The following DNAH9 variants were observed in gnomAD, a reference collection of about 807,000 sequenced individuals.
The protein encoded by DNAH9 is dynein axonemal heavy chain 9.
A neutral mutation model predicts 471.6 loss-of-function variants in DNAH9; 345 were observed. The ratio of observed to expected loss-of-function variants is 0.73; its 90% CI spans 0.67 to 0.80. The LOEUF (loss-of-function observed/expected upper bound fraction) is 0.80. Ranked by LOEUF, DNAH9 falls within the 30% of genes least tolerant of loss-of-function variation. The pLI, the probability that DNAH9 is intolerant of heterozygous loss-of-function variation, is 0.00. For missense variants in DNAH9, 5,407 were observed against 5,609.2 expected (o/e 0.96, Z 1.15); for synonymous variants, 2,093 against 2,123.6 (o/e 0.99, Z 0.40).
At chr17:11,926,628 G>A (rs1468825767) in intron 62 of DNAH9, among the ~76,000 whole-genome samples, 5 of 152,136 alleles carry the variant, frequency 3.3e-5, no homozygotes, top group African/African-American at 4.8e-5. Flanking sequence ...TGGTGTATAT[G>A]TACCACATTT....
intron 61 of DNAH9, among the ~76,000 whole-genome samples, chr17:11,908,271 A>G (rs1973674324): frequency 6.6e-6 from 1 of 152,254 alleles, no homozygotes; most frequent in African/African-American, 2.4e-5. Flanking sequence ...TCAAGGGTCG[A>G]CTGTACTCTC....
At chr17:11,967,828 A>G (rs551987711) in intron 68 of DNAH9, among the ~76,000 whole-genome samples, 73 of 152,326 alleles carry the variant, frequency 4.8e-4, no homozygotes, top group Non-Finnish European at 8.7e-4. Flanking sequence ...TAGACTTTAT[A>G]AGGTAAAAAT....
At chr17:11,960,073 C>A (rs1314451642) in intron 67 of DNAH9, among the ~76,000 whole-genome samples, 1 of 152,144 alleles carries the variant, frequency 6.6e-6, no homozygotes, top group Non-Finnish European at 1.5e-5. Context: ...AAATCAGGAG[C>A]CTCTGGCTGT....
intron 39 of DNAH9, among the ~76,000 whole-genome samples, chr17:11,783,161 C>CCTGA (rs1247471768): frequency 6.6e-6 from 1 of 152,094 alleles, no homozygotes; most frequent in Non-Finnish European, 1.5e-5. Context: ...AGGCTTTTAG[C>CCTGA]AGCCTGAAAC....
intron 48 of DNAH9, among the ~76,000 whole-genome samples, chr17:11,831,322 TGGCAAGAGAGGA>T (rs1366252398): frequency 1.3e-5 from 2 of 152,002 alleles, no homozygotes; most frequent in African/African-American, 2.4e-5. Context: ...AGATATCACA[TGGCAAGAGAGGA>T]GGCAAGAGAG....
At chr17:11,882,952 C>A (rs111447085) in intron 55 of DNAH9, 9 of 985,488 alleles carry the variant, frequency 9.1e-6, no homozygotes, top group African/African-American at 8.7e-5. Flanking sequence ...GAACCTCCAA[C>A]AGGAAGGTTG....
intron 42 of DNAH9, among the ~76,000 whole-genome samples, chr17:11,797,297 TC>T (rs1969279360): frequency 1.3e-5 from 2 of 152,108 alleles, no homozygotes; most frequent in African/African-American, 4.8e-5. Context: ...CACCCATCCA[TC>T]CCCATCCATT....
At chr17:11,884,381 A>G in intron 56 of DNAH9, 1 of 332,944 alleles carries the variant, frequency 3.0e-6, no homozygotes, top group Non-Finnish European at 6.1e-6. Context: ...GCTCTGTTCC[A>G]GCATACCACC....
intron 6 of DNAH9, among the ~76,000 whole-genome samples, chr17:11,621,006 ACATTTTACAG>A (rs1176831640): frequency 6.6e-6 from 1 of 152,176 alleles, no homozygotes; most frequent in African/African-American, 2.4e-5. Context: ...AGGTCTCTCA[ACATTTTACAG>A]CTATGTGTTT....
At position 11,931,995 on chromosome 17, in the gene DNAH9, A is replaced by G; in HGVS notation, c.12106-19A>G. 1 of 1,613,036 alleles carries G rather than the reference A, an allele frequency of 6.2e-7. No homozygotes were observed. Among genetic ancestry groups the G allele is most frequent in the East Asian group, 2.2e-5 (1 of 44,860 alleles). ...AGAGAAGTTGTGTGCGAACCTTAAAAGCGACACTCTCATTTCAGGACACTC... is the reference window on the plus strand; with the variant it reads ...AGAGAAGTTGTGTGCGAACCTTAAAGGCGACACTCTCATTTCAGGACACTC... On this transcript the variant is annotated intron_variant, in intron 63 of 68. Coordinates refer to ENST00000262442, the MANE Select transcript of DNAH9 (RefSeq NM_001372.4).
Position 11,756,659 on chromosome 17 carries a change from C to A in DNAH9, c.6830C>A (p.Ala2277Glu), listed in dbSNP as rs763080540. The A allele has an allele frequency of 6.2e-7, 1 of 1,609,534 alleles. No individual in the cohort carries two copies. The change falls in exon 34 of 69, where the codon GCA becomes GAA. Residue 2277 changes from alanine to glutamate, a missense_variant. Coordinates refer to ENST00000262442, the MANE Select transcript of DNAH9 (RefSeq NM_001372.4). ...AGCCACCTGCGCACAGCCACTCCAG[C>A]AACTGTCTCTAGAGCAGGTACGGCC... ...EISHLRTATP[A>E]TVSRAGILYI...
intron 35 of DNAH9, among the ~76,000 whole-genome samples, chr17:11,763,133 A>G (rs546387349): frequency 6.6e-6 from 1 of 152,190 alleles, no homozygotes; most frequent in East Asian, 1.9e-4. Context: ...TGTGTTCCCC[A>G]GGTACTGAGA....
intron 29 of DNAH9, among the ~76,000 whole-genome samples, chr17:11,739,407 T>C (rs567706655): frequency 6.6e-6 from 1 of 152,344 alleles, no homozygotes. Context: ...TACAATGTAA[T>C]TAACTACTCC....
rs565622701 is a variant in DNAH9 at position 11,868,825 on chromosome 17, C to T, written c.9934-309C>T. 9.2e-4 allele frequency among the ~76,000 whole-genome samples: 140 copies of T among 152,222 alleles called. 1 individual carries two copies. Among genetic ancestry groups the T allele is most frequent in the African/African-American group, 3.2e-3 (131 of 41,540 alleles). ...CATCCACATCCCTGACACCTCGTAG[C>T]GTTCAACACCTCGATGACTGCGGTG... is the stretch of plus-strand genomic sequence containing the variant. On this transcript the variant is annotated intron_variant, in intron 50 of 68. Coordinates refer to ENST00000262442, the MANE Select transcript of DNAH9 (RefSeq NM_001372.4).
chr17:11,783,597 C>A, intron 39 of DNAH9, 49 bp from the exon 40 acceptor site: 1 of 1,472,724 alleles, frequency 6.8e-7, no homozygotes, highest in Non-Finnish European at 9.5e-7. Context: ...AAGCACTCAC[C>A]TGCCTCAGTC....
In DNAH9 at chr17:11,681,253, T is replaced by C. The variant is rs961582575; in HGVS notation, c.3743+364T>C. 2.6e-4 allele frequency among the ~76,000 whole-genome samples: 39 copies of C among 152,328 alleles called. 1 individual carries two copies. The highest frequency in any genetic ancestry group is 2.4e-3 in the Admixed American group (36 of 15,306). ...TCTTTTGGTTTTAAAAAGTGGCTGA[T>C]TGAATTTTTAAAATTTTACAGAGCA... On this transcript the variant is annotated intron_variant, in intron 19 of 68. Transcript: ENST00000262442.
intron 61 of DNAH9, among the ~76,000 whole-genome samples, chr17:11,919,731 A>C (rs948942973): frequency 8.5e-5 from 13 of 152,160 alleles, no homozygotes; most frequent in African/African-American, 3.1e-4. Context: ...CGGAAGTAGA[A>C]GGAGGCAATG....
Position 11,608,291 on chromosome 17 carries a change from A to C in DNAH9, c.580A>C (p.Lys194Gln), listed in dbSNP as rs1329760078. ...TLLPLPAGSE[K>Q]MEFADSKSET... ...GCTGCCTCTTCCAGCAGGCTCAGAA[A>C]AAATGGAGTTTGCGGATTCCAAAAG... The change falls in exon 2 of 69, where the codon AAA becomes CAA. Residue 194 changes from lysine (K) to glutamine (Q), a missense_variant. By Grantham distance (53) the Lys-to-Gln change is moderately conservative. Transcript: ENST00000262442. 1 of 1,612,608 alleles carries C rather than the reference A, an allele frequency of 6.2e-7. No individual in the cohort carries two copies. Among genetic ancestry groups the C allele is most frequent in the South Asian group, 1.1e-5 (1 of 91,048 alleles).
chr17:11,691,589 T>C (rs1597484625), intron 20 of DNAH9, among the ~76,000 whole-genome samples: 1 of 152,382 alleles, frequency 6.6e-6, no homozygotes, highest in South Asian at 2.1e-4. Context: ...TATTCATTCA[T>C]TATGAATTTC....
Sources: allele counts gnomAD v4.1 joint callset (sites outside exome capture counted in the v4.1 genomes callset), GRCh38; gene constraint gnomAD v4.1.1; transcripts MANE v1.5; gene names NCBI Gene and HGNC (gene_info 2026-07-23, HGNC 2026-07-21).